Variants in ADGRB3 observed in about 807,000 individuals in gnomAD.
ADGRB3 encodes adhesion G protein-coupled receptor B3, also known as brain-specific angiogenesis inhibitor 3.
ADGRB3 carries 37 observed loss-of-function variants against 193.4 expected under a neutral mutation model. The ratio of observed to expected loss-of-function variants is 0.19; its 90% CI spans 0.15 to 0.25. ADGRB3 has a LOEUF of 0.25. Ranked by LOEUF, ADGRB3 falls within the 10% of genes least tolerant of loss-of-function variation. The pLI, the probability that ADGRB3 is intolerant of heterozygous loss-of-function variation, is 1.00. For missense variants in ADGRB3, 1,637 were observed against 1,852.9 expected, an observed-to-expected ratio of 0.88 and a Z score of 2.14; for synonymous variants, 690 against 644.2, an observed-to-expected ratio of 1.07 and a Z score of -1.08.
chr6:68,982,679 G>A (rs925741483), intron 10 of ADGRB3, among the ~76,000 whole-genome samples: 2 of 152,134 alleles, frequency 1.3e-5, no homozygotes, highest in African/African-American at 4.8e-5. Context: ...CATTTAAGAA[G>A]TCTTCATCCT....
chr6:68,661,341 ATGTGTGTG>A (rs71745062), intron 3 of ADGRB3, among the ~76,000 whole-genome samples: 5 of 57,054 alleles, frequency 8.8e-5, no homozygotes, highest in African/African-American at 2.1e-4. Context: ...ATATATATAT[ATGTGTGTG>A]TGTGTGTGTG....
intron 20 of ADGRB3, among the ~76,000 whole-genome samples, chr6:69,280,967 A>C (rs1767423324): frequency 6.6e-6 from 1 of 152,244 alleles, no homozygotes; most frequent in African/African-American, 2.4e-5. Flanking sequence ...AAAATGTCCT[A>C]GTAACCAGTC....
chr6:68,773,363 A>C (rs1766676723), intron 3 of ADGRB3, among the ~76,000 whole-genome samples: 1 of 152,114 alleles, frequency 6.6e-6, no homozygotes. Context: ...AAATTTATAC[A>C]GTCCTAAAGA....
chr6:69,029,883 C>T (rs1252882994), intron 13 of ADGRB3, among the ~76,000 whole-genome samples: 1 of 150,986 alleles, frequency 6.6e-6, no homozygotes, highest in Non-Finnish European at 1.5e-5. Flanking sequence ...ACAACCCCAT[C>T]AAAAAGTGGG....
intron 25 of ADGRB3, 131 bp from the exon 26 acceptor site, chr6:69,339,202 G>A (rs1768920394): frequency 8.3e-6 from 10 of 1,205,232 alleles, no homozygotes; most frequent in Non-Finnish European, 1.2e-5. Flanking sequence ...ACTCTCAAAT[G>A]TCATCTGCTT....
intron 3 of ADGRB3, among the ~76,000 whole-genome samples, chr6:68,681,326 T>C (rs116972747): frequency 0.022 from 3,387 of 152,294 alleles, 64 homozygotes; most frequent in South Asian, 0.074. Flanking sequence ...CTTTATTTTA[T>C]TTTATTTTGT....
At chr6:69,288,784 C>G (rs547521638) in intron 20 of ADGRB3, among the ~76,000 whole-genome samples, 5 of 152,202 alleles carry the variant, frequency 3.3e-5, no homozygotes, top group African/African-American at 1.2e-4. Context: ...TAGAAAATTT[C>G]TGTTGATAAC....
intron 3 of ADGRB3, among the ~76,000 whole-genome samples, chr6:68,680,110 G>A (rs1156902543): frequency 1.3e-5 from 2 of 152,054 alleles, no homozygotes; most frequent in South Asian, 2.1e-4. Context: ...GCCAAAGAAA[G>A]GATCTACCTC....
intron 12 of ADGRB3, among the ~76,000 whole-genome samples, chr6:69,014,935 A>G (rs561193824): frequency 2.0e-5 from 3 of 152,002 alleles, no homozygotes; most frequent in East Asian, 3.9e-4. Flanking sequence ...CTTTTATCCT[A>G]TTGTGACAGG....
intron 16 of ADGRB3, among the ~76,000 whole-genome samples, chr6:69,065,190 A>C (rs1163039514): frequency 6.6e-6 from 1 of 152,174 alleles, no homozygotes; most frequent in Non-Finnish European, 1.5e-5. Flanking sequence ...CCATGTTTAA[A>C]ATGTATGTAT....
chr6:68,683,181 T>G (rs1296999335), intron 3 of ADGRB3, among the ~76,000 whole-genome samples: 2 of 152,198 alleles, frequency 1.3e-5, no homozygotes, highest in Non-Finnish European at 2.9e-5. Flanking sequence ...ACATGTAAAG[T>G]TGGGTACATG....
intron 17 of ADGRB3, among the ~76,000 whole-genome samples, chr6:69,203,582 A>T (rs556307672): frequency 6.6e-6 from 1 of 152,208 alleles, no homozygotes; most frequent in East Asian, 1.9e-4. Flanking sequence ...CACAAGACAA[A>T]GGCAAGTCTT....
chr6:69,269,020 G>A (rs1767112779), intron 20 of ADGRB3, among the ~76,000 whole-genome samples: 1 of 151,766 alleles, frequency 6.6e-6, no homozygotes. Flanking sequence ...ATTATTTATT[G>A]AGCATTTACT....
At chr6:68,721,428 A>C (rs1285210200) in intron 3 of ADGRB3, among the ~76,000 whole-genome samples, 1 of 150,712 alleles carries the variant, frequency 6.6e-6, no homozygotes, top group East Asian at 2.0e-4. Flanking sequence ...TTGAACAAAG[A>C]GAACACTTGG....
At chr6:68,688,227 A>G (rs1765015970) in intron 3 of ADGRB3, among the ~76,000 whole-genome samples, 1 of 152,186 alleles carries the variant, frequency 6.6e-6, no homozygotes, top group Non-Finnish European at 1.5e-5. Context: ...TGTCTTGCCC[A>G]CTGCCACAAA....
chr6:69,069,705 T>C (rs1335189271), intron 16 of ADGRB3, among the ~76,000 whole-genome samples: 1 of 133,192 alleles, frequency 7.5e-6, no homozygotes, highest in Non-Finnish European at 1.5e-5. Context: ...CACTCCAGGC[T>C]GGGTGACAGA....
chr6:69,173,612 G>T (rs767696051), intron 17 of ADGRB3, among the ~76,000 whole-genome samples: 2 of 152,038 alleles, frequency 1.3e-5, no homozygotes, highest in Admixed American at 1.3e-4. Flanking sequence ...TGGGTAAATG[G>T]AAAGGATATT....
intron 3 of ADGRB3, among the ~76,000 whole-genome samples, chr6:68,703,982 T>C (rs887742172): frequency 2.6e-5 from 4 of 152,178 alleles, no homozygotes; most frequent in African/African-American, 4.8e-5. Flanking sequence ...TTAAATGTCA[T>C]CTTTGTATTT....
At chr6:68,816,836 C>T (rs139212562) in intron 3 of ADGRB3, among the ~76,000 whole-genome samples, 2 of 151,986 alleles carry the variant, frequency 1.3e-5, no homozygotes, top group East Asian at 3.9e-4. Flanking sequence ...TTTAAAATTC[C>T]TTTTAATGGA....
Sources: gnomAD v4.1 joint callset for allele counts (sites outside exome capture counted in the v4.1 genomes callset) on GRCh38, gnomAD v4.1.1 for gene constraint, MANE v1.5 for transcripts, NCBI Gene and HGNC (gene_info 2026-07-23, HGNC 2026-07-21) for gene names.